SYNE2: variants seen among roughly 807,000 people sequenced by gnomAD.
SYNE2 encodes the protein spectrin repeat containing nuclear envelope protein 2.
In SYNE2, 431 loss-of-function variants were observed where a neutral mutation model predicts 856.3. The ratio of observed to expected loss-of-function variants is 0.50; its 90% confidence interval spans 0.47 to 0.55. The LOEUF is 0.55. Among genes scored for constraint, SYNE2 ranks in the 20% least tolerant of loss-of-function variants. The pLI is 0.00. For synonymous variants in SYNE2, 2,923 were observed against 2,872.3 expected (o/e 1.02, Z -0.56); for missense variants, 8,129 against 8,023.2 (o/e 1.01, Z -0.50).
At chr14:64,162,556 A>C (rs1349232638) in intron 88 of SYNE2, 7 of 460,372 alleles carry the variant, frequency 1.5e-5, no homozygotes, top group Non-Finnish European at 2.8e-5. Context: ...AAAGCTTCAT[A>C]TGAAATCTGA....
rs186355112 is a variant in SYNE2 at position 63,814,658 on chromosome 14, T to A, written c.-304-37843T>A. Among the ~76,000 whole-genome samples the A allele has an allele frequency of 6.4e-4, 36 of 56,436 alleles. 1 individual carries two copies. The highest frequency in any genetic ancestry group is 2.0e-3 in the African/African-American group (34 of 17,006). 37.0% of individuals were successfully genotyped at this position (56,436 alleles called of 152,430 possible). A position where few individuals can be genotyped will look rare whatever the true frequency, so the allele number is the denominator to read the frequency against. On this transcript the variant is annotated intron_variant, in intron 1 of 23. Coordinates refer to the SYNE2 transcript ENST00000674003. ...TATATCCATATATTATATATAATCCTTATATATATCCATATATATCCATAT... is the reference window on the plus strand; with the variant it reads ...TATATCCATATATTATATATAATCCATATATATATCCATATATATCCATAT...
chr14:63,977,003 G>C (rs182731713), intron 12 of SYNE2, among the ~76,000 whole-genome samples: 1 of 151,890 alleles, frequency 6.6e-6, no homozygotes, highest in East Asian at 1.9e-4. Flanking sequence ...AAGGTCAAGG[G>C]GTGGGAGGGT....
intron 1 of SYNE2, among the ~76,000 whole-genome samples, chr14:63,838,170 G>C (rs1322085082): frequency 6.6e-6 from 1 of 152,110 alleles, no homozygotes; most frequent in African/African-American, 2.4e-5. Flanking sequence ...AGGAGTTTGA[G>C]ACCAGCCTGG....
chr14:64,065,603 A>G lies in SYNE2; in HGVS notation c.10384A>G (p.Met3462Val), dbSNP rs758820721. 2 of 1,614,014 alleles carry G rather than the reference A, an allele frequency of 1.2e-6. No homozygotes were observed. Among genetic ancestry groups the G allele is most frequent in the Admixed American group, 3.3e-5 (2 of 59,984 alleles). ...SLLEAAKEWE[M>V]WCEELKQEWK... ...GCTGGAAGCTGCTAAAGAGTGGGAGATGTGGTGCGAAGAACTGAAGCAGGA... is the reference window on the plus strand; with the variant it reads ...GCTGGAAGCTGCTAAAGAGTGGGAGGTGTGGTGCGAAGAACTGAAGCAGGA... The change falls in exon 51 of 116, where the codon ATG (methionine) becomes GTG (valine). Residue 3462 changes from methionine to valine, a missense_variant. This residue lies in a region of SYNE2 where 5,410 missense variants were observed against 5,284.8 expected (regional missense o/e 1.02). Coordinates refer to ENST00000555002, the MANE Select transcript of SYNE2 (RefSeq NM_182914.3).
Position 64,053,222 on chromosome 14 carries a change from G to T in SYNE2, c.9309G>T (p.Lys3103Asn). Residue 3103 changes from lysine (K) to asparagine (N), a missense_variant, in exon 48 of 116, where the codon AAG becomes AAT. By Grantham distance (94) the Lys-to-Asn change is moderately conservative. Around this residue, in one of 3 missense-constraint regions of SYNE2, gnomAD observed 5,410 missense variants for 5,284.8 expected, o/e 1.02. Coordinates refer to ENST00000555002, the MANE Select transcript of SYNE2 (RefSeq NM_182914.3). ...AGTGTTTATGTGATGAGATAATAAA[G>T]AAATTAAATGAAAATAAGACCTTTG... ...KAKCLCDEII[K>N]KLNENKTFDD... 1.2e-6 allele frequency: 2 copies of T among 1,612,570 alleles called. No individual in the cohort carries two copies. The highest frequency in any genetic ancestry group is 2.2e-5 in the East Asian group (1 of 44,856).
chr14:64,009,535 CAAAAAA>C (rs67434536), intron 31 of SYNE2, among the ~76,000 whole-genome samples: 7 of 77,424 alleles, frequency 9.0e-5, no homozygotes, highest in South Asian at 4.9e-4. Context: ...GACTCTGTCT[CAAAAAA>C]AAAAAAAAAA....
chr14:64,129,530 G>A (rs567875682), intron 74 of SYNE2, among the ~76,000 whole-genome samples: 3 of 152,128 alleles, frequency 2.0e-5, no homozygotes, highest in Non-Finnish European at 2.9e-5. Flanking sequence ...AATGCTAACC[G>A]CAGGACAGAA....
intron 1 of SYNE2, among the ~76,000 whole-genome samples, chr14:63,836,133 C>A (rs1294612363): frequency 1.3e-5 from 2 of 152,110 alleles, no homozygotes; most frequent in Non-Finnish European, 2.9e-5. Flanking sequence ...GTGATCCTCC[C>A]ACCTCAGACT....
At chr14:63,946,598 A>G (rs1188145836) in intron 6 of SYNE2, among the ~76,000 whole-genome samples, 1 of 147,678 alleles carries the variant, frequency 6.8e-6, no homozygotes, top group Non-Finnish European at 1.5e-5. Context: ...TTATATATAT[A>G]CTGTAATATA....
intron 84 of SYNE2, among the ~76,000 whole-genome samples, chr14:64,147,935 A>C (rs932561545): frequency 2.0e-5 from 3 of 152,164 alleles, no homozygotes; most frequent in East Asian, 1.9e-4. Flanking sequence ...AATTATATCT[A>C]CGGTAGTTTA....
At chr14:64,222,349 C>G (rs2098698452) in intron 112 of SYNE2, among the ~76,000 whole-genome samples, 1 of 152,216 alleles carries the variant, frequency 6.6e-6, no homozygotes, top group Non-Finnish European at 1.5e-5. Flanking sequence ...TGTCTAATAA[C>G]CTCATGTGGC....
intron 106 of SYNE2, 41 bp downstream of exon 106, chr14:64,214,511 T>C: frequency 6.3e-7 from 1 of 1,577,234 alleles, no homozygotes; most frequent in Non-Finnish European, 8.6e-7. Context: ...GTGACCCGTT[T>C]GGCTATGTTT....
intron 59 of SYNE2, 151 bp downstream of exon 59, chr14:64,089,847 A>G (rs960260332): frequency 5.2e-5 from 33 of 639,616 alleles, no homozygotes; most frequent in African/African-American, 4.6e-4. Context: ...CTATAACTGT[A>G]TATTTAAATC....
intron 109 of SYNE2, 104 bp from the exon 110 acceptor site, chr14:64,219,104 G>GTTTTTGTTTTT (rs1555556018): frequency 5.9e-6 from 2 of 337,396 alleles, no homozygotes; most frequent in East Asian, 1.5e-4. Context: ...CAGTTTTTTT[G>GTTTTTGTTTTT]TTTTTTTTTT....
At chr14:63,880,571 T>G (rs1248577197) in intron 1 of SYNE2, among the ~76,000 whole-genome samples, 2 of 152,166 alleles carry the variant, frequency 1.3e-5, no homozygotes, top group African/African-American at 4.8e-5. Context: ...AATGCTTGTT[T>G]ATATGCATAT....
intron 1 of SYNE2, among the ~76,000 whole-genome samples, chr14:63,778,988 A>G (rs888844814): frequency 6.6e-6 from 1 of 152,022 alleles, no homozygotes; most frequent in Non-Finnish European, 1.5e-5. Context: ...TATTTCATCA[A>G]TGTTACCTCA....
intron 47 of SYNE2, 118 bp downstream of exon 47, chr14:64,049,994 C>A: frequency 1.6e-6 from 2 of 1,227,824 alleles, no homozygotes; most frequent in Non-Finnish European, 1.1e-6. Context: ...ATTTTAAAAC[C>A]ACAGGATGGA....
At chr14:64,084,785 A>G in intron 57 of SYNE2, 1 of 570,946 alleles carries the variant, frequency 1.8e-6, no homozygotes, top group Admixed American at 3.0e-5. Context: ...TCAGGAGTCC[A>G]TGGGCATGGC....
At chr14:64,169,106 C>A in intron 93 of SYNE2, 135 bp downstream of exon 93, 1 of 718,164 alleles carries the variant, frequency 1.4e-6, no homozygotes, top group South Asian at 1.5e-5. Context: ...ACCATAGGAC[C>A]AGGCTTCTAA....
Sources: allele counts gnomAD v4.1 joint callset (sites outside exome capture counted in the v4.1 genomes callset), GRCh38; gene constraint gnomAD v4.1.1; regional missense constraint gnomAD v4.1.1; transcripts MANE v1.5; gene names NCBI Gene and HGNC (gene_info 2026-07-23, HGNC 2026-07-21).